Variants in MCTP1 observed in about 807,000 individuals in gnomAD.
The protein encoded by MCTP1 is multiple C2 and transmembrane domain containing 1.
MCTP1 carries 69 observed loss-of-function variants against 120.6 expected under a neutral mutation model. The ratio of observed to expected loss-of-function variants is 0.57; its 90% confidence interval spans 0.47 to 0.70. The LOEUF is 0.70. Ranked by LOEUF, MCTP1 falls within the 30% of genes least tolerant of loss-of-function variation. MCTP1 has a pLI of 0.00. For synonymous variants in MCTP1, 529 were observed against 493.1 expected (o/e 1.07, Z -0.96); for missense variants, 1,203 against 1,248.8 (o/e 0.96, Z 0.55).
chr5:94,877,219 G>A (rs1048291959), intron 12 of MCTP1, among the ~76,000 whole-genome samples: 3 of 152,056 alleles, frequency 2.0e-5, no homozygotes, highest in Non-Finnish European at 4.4e-5. Context: ...GACATTTTAC[G>A]ATGAGGAATA....
intron 1 of MCTP1, among the ~76,000 whole-genome samples, chr5:95,156,828 C>A (rs193221710): frequency 1.3e-5 from 2 of 152,236 alleles, no homozygotes; most frequent in Non-Finnish European, 2.9e-5. Context: ...AGTCACAAAC[C>A]AATTTTAAAA....
intron 1 of MCTP1, among the ~76,000 whole-genome samples, chr5:95,272,223 T>C (rs986848924): frequency 9.9e-5 from 15 of 152,218 alleles, no homozygotes; most frequent in Non-Finnish European, 1.9e-4. Flanking sequence ...ACAAACATCA[T>C]AGGAGTCAAT....
chr5:94,923,241 CTATT>C (rs1473320843), intron 7 of MCTP1, among the ~76,000 whole-genome samples: 7 of 152,170 alleles, frequency 4.6e-5, no homozygotes, highest in Non-Finnish European at 1.0e-4. Context: ...ATTGTAATAT[CTATT>C]GTTACATTAA....
At chr5:94,996,216 A>G (rs1392455136) in intron 2 of MCTP1, among the ~76,000 whole-genome samples, 1 of 152,222 alleles carries the variant, frequency 6.6e-6, no homozygotes, top group East Asian at 1.9e-4. Context: ...AAATTTGTAT[A>G]CATGTCTTAT....
intron 7 of MCTP1, among the ~76,000 whole-genome samples, chr5:94,923,669 C>T (rs557615924): frequency 2.0e-5 from 3 of 152,102 alleles, no homozygotes; most frequent in South Asian, 2.1e-4. Flanking sequence ...CAGATGGCAC[C>T]GTTATATTCC....
intron 1 of MCTP1, among the ~76,000 whole-genome samples, chr5:95,190,400 T>C (rs995127336): frequency 3.3e-5 from 5 of 152,296 alleles, no homozygotes; most frequent in African/African-American, 1.2e-4. Context: ...GTCAGTTATC[T>C]AGTTTAAAGA....
rs72777374 is a variant in MCTP1 at position 95,012,418 on chromosome 5, C to T, written c.838+4949G>A. Among the ~76,000 whole-genome samples the T allele has an allele frequency of 1.3e-3, 196 of 152,000 alleles. 1 individual carries two copies. Among genetic ancestry groups the T allele is most frequent in the African/African-American group, 4.5e-3 (186 of 41,440 alleles). ...TTTTTATCTGGAGTTTTATAGTATACGCATACCTCATTTCATTGCACTTTG... is the reference window on the plus strand; with the variant it reads ...TTTTTATCTGGAGTTTTATAGTATATGCATACCTCATTTCATTGCACTTTG... On this transcript the variant is annotated intron_variant, in intron 2 of 22. Coordinates refer to ENST00000515393, the MANE Select transcript of MCTP1 (RefSeq NM_024717.7).
rs1554073307 is a variant in MCTP1, at chr5:94,705,017, T to TTC, written c.*2478_*2479insGA. ...ACGAATGTCAGTAATAGTTTATGAA[T>TTC]ATAAATAATGACTCAGTGAATTTAC... On this transcript the variant is annotated 3_prime_UTR_variant, in exon 23 of 23. Transcript: ENST00000515393. 2 of 151,368 alleles carry TTC rather than the reference T, an allele frequency of 1.3e-5. No homozygotes were observed. The highest frequency in any genetic ancestry group is 3.0e-5 in the Non-Finnish European group (2 of 67,584). The allele number at this position is 151,368 out of a possible 1,614,324, so 9.4% of individuals were successfully genotyped here. A position where few individuals can be genotyped will look rare whatever the true frequency, so the allele number is the denominator to read the frequency against.
rs552967355 is a variant in MCTP1, at chr5:94,708,218, C to T, written c.2928+294G>A. The T allele has an allele frequency of 4.9e-4, 102 of 209,292 alleles. No individual in the cohort carries two copies. In the South Asian group the frequency reaches 5.3e-3, roughly 11 times the overall value. 13.0% of individuals were successfully genotyped at this position (209,292 alleles called of 1,614,324 possible). On this transcript the variant is annotated intron_variant, in intron 22 of 22. Transcript: ENST00000515393. ...ATCATCTAATATTCCTGGTTTCCTC[C>T]CCTCAGGTCATACTCCCTGTCACAA...
chr5:94,811,693 A>T (rs1404009142), intron 17 of MCTP1, among the ~76,000 whole-genome samples: 1 of 152,238 alleles, frequency 6.6e-6, no homozygotes, highest in Non-Finnish European at 1.5e-5. Flanking sequence ...GGCTCAAATT[A>T]GTCCGCAAAA....
intron 11 of MCTP1, among the ~76,000 whole-genome samples, chr5:94,891,623 G>T (rs1411691243): frequency 6.6e-6 from 1 of 152,004 alleles, no homozygotes; most frequent in Non-Finnish European, 1.5e-5. Context: ...CTGATCCTCT[G>T]CTTCCCATTT....
intron 1 of MCTP1, among the ~76,000 whole-genome samples, chr5:95,070,053 A>G (rs1751747566): frequency 1.3e-5 from 2 of 152,158 alleles, no homozygotes; most frequent in Non-Finnish European, 2.9e-5. Flanking sequence ...TACAAACTTT[A>G]GAAACCACAA....
intron 19 of MCTP1, among the ~76,000 whole-genome samples, chr5:94,769,122 GA>G (rs1773490346): frequency 6.6e-6 from 1 of 152,122 alleles, no homozygotes; most frequent in Non-Finnish European, 1.5e-5. Context: ...TATGTTAAAT[GA>G]AATAAGCCAG....
intron 17 of MCTP1, among the ~76,000 whole-genome samples, chr5:94,839,166 T>C (rs1041482143): frequency 6.6e-6 from 1 of 152,126 alleles, no homozygotes; most frequent in Non-Finnish European, 1.5e-5. Flanking sequence ...GTCAGTAAGC[T>C]CACAGAGAAG....
In MCTP1 at chr5:95,031,101, A is replaced by T. The variant is rs556202503; in HGVS notation, c.721-13617T>A. Reference sequence around the variant, plus strand: ...GTCAGACAAAAATTTAAAAAAAATTAAAAAATGAACAAAGCTTTCAAGAAA... The same window carrying T: ...GTCAGACAAAAATTTAAAAAAAATTTAAAAATGAACAAAGCTTTCAAGAAA... On this transcript the variant is annotated intron_variant, in intron 1 of 22. Transcript: ENST00000515393. Among the ~76,000 whole-genome samples, 8 of 152,270 alleles carry T rather than the reference A, an allele frequency of 5.3e-5. No individual in the cohort carries two copies. The South Asian group carries it at 8.3e-4, about 16-fold the overall frequency.
chr5:95,007,220 C>T (rs1289271965), intron 2 of MCTP1, among the ~76,000 whole-genome samples: 1 of 152,106 alleles, frequency 6.6e-6, no homozygotes, highest in Non-Finnish European at 1.5e-5. Context: ...TCAATTACCT[C>T]CCACTGGGTC....
chr5:95,159,331 T>C (rs1745466726), intron 1 of MCTP1, among the ~76,000 whole-genome samples: 2 of 152,242 alleles, frequency 1.3e-5, no homozygotes, highest in Non-Finnish European at 2.9e-5. Context: ...ATGCTAATAG[T>C]TGCTTTCTCT....
intron 2 of MCTP1, among the ~76,000 whole-genome samples, chr5:94,986,459 C>T (rs765703546): frequency 6.6e-6 from 1 of 152,120 alleles, no homozygotes; most frequent in Admixed American, 6.6e-5. Flanking sequence ...TCCCAAACAA[C>T]CAGTAGTTCA....
chr5:94,963,500 C>G (rs1477225758), intron 2 of MCTP1, among the ~76,000 whole-genome samples: 1 of 151,242 alleles, frequency 6.6e-6, no homozygotes, highest in Non-Finnish European at 1.5e-5. Flanking sequence ...TAATAGCCAC[C>G]CTAACAGGTG....
Sources: gnomAD v4.1 joint callset for allele counts (sites outside exome capture counted in the v4.1 genomes callset) on GRCh38, gnomAD v4.1.1 for gene constraint, MANE v1.5 for transcripts, NCBI Gene and HGNC (gene_info 2026-07-23, HGNC 2026-07-21) for gene names.